DPP10: variants seen among roughly 807,000 people sequenced by gnomAD.
DPP10 encodes inactive dipeptidyl peptidase 10.
In DPP10, 33 loss-of-function variants were observed where a neutral mutation model predicts 120.9. The observed-to-expected ratio is 0.27, with a 90% CI of 0.21 to 0.37. DPP10 has a LOEUF of 0.37. Ranked by LOEUF, DPP10 falls within the 10% of genes least tolerant of loss-of-function variation. The pLI, the probability that DPP10 is intolerant of heterozygous loss-of-function variation, is 1.00. For missense variants in DPP10, 816 were observed against 942.8 expected (o/e 0.87, Z 1.76); for synonymous variants, 337 against 326.1 (o/e 1.03, Z -0.36).
chr2:115,756,568 G>A (rs902735547), intron 11 of DPP10, among the ~76,000 whole-genome samples: 1 of 151,952 alleles, frequency 6.6e-6, no homozygotes, highest in Non-Finnish European at 1.5e-5. Context: ...AATAAAGAAT[G>A]AATTAAAGAT....
intron 1 of DPP10, among the ~76,000 whole-genome samples, chr2:115,019,943 T>G (rs1487466293): frequency 6.6e-6 from 1 of 152,210 alleles, no homozygotes; most frequent in Non-Finnish European, 1.5e-5. Flanking sequence ...AAAGATACAG[T>G]CTTTTCCCAG....
chr2:115,159,989 A>G (rs2052188726), intron 1 of DPP10, among the ~76,000 whole-genome samples: 1 of 152,194 alleles, frequency 6.6e-6, no homozygotes, highest in African/African-American at 2.4e-5. Flanking sequence ...GGATGAATAT[A>G]CTCAAATAAT....
rs1183210292 is a variant in DPP10 at position 115,746,313 on chromosome 2, A to G, written c.950+130A>G. On this transcript the variant is annotated intron_variant, in intron 10 of 25. Coordinates refer to ENST00000410059, the MANE Select transcript of DPP10 (RefSeq NM_020868.6). Reference sequence around the variant, plus strand: ...TGAAAATAAAGCTGAAGTTGCCTACATTAGTGAGGAATGAAGTCATTCTCG... The same window carrying G: ...TGAAAATAAAGCTGAAGTTGCCTACGTTAGTGAGGAATGAAGTCATTCTCG... 30 of 802,064 alleles carry G rather than the reference A, an allele frequency of 3.7e-5. No homozygotes were observed. In the East Asian group the frequency reaches 7.9e-4, roughly 21 times the overall value. The allele number at this position is 802,064 out of a possible 1,614,324, so 49.7% of individuals were successfully genotyped here. A position where few individuals can be genotyped will look rare whatever the true frequency, so the allele number is the denominator to read the frequency against.
Position 114,632,629 on chromosome 2 carries a change from C to T in DPP10, c.60+189791C>T, listed in dbSNP as rs567006015. 6.0e-5 allele frequency among the ~76,000 whole-genome samples: 9 copies of T among 149,800 alleles called. No individual in the cohort carries two copies. In the South Asian group the frequency reaches 1.9e-3, roughly 32 times the overall value. On this transcript the variant is annotated intron_variant, in intron 1 of 25. Coordinates refer to ENST00000410059, the MANE Select transcript of DPP10 (RefSeq NM_020868.6). ...CTGGGTTCATGCCATTCTCCTGCCT[C>T]AGCCTCCCGAATAGCTGGGACTACA...
intron 1 of DPP10, among the ~76,000 whole-genome samples, chr2:115,097,896 T>C (rs2048479514): frequency 6.6e-6 from 1 of 152,152 alleles, no homozygotes; most frequent in Non-Finnish European, 1.5e-5. Context: ...TCTTTAGAAA[T>C]TAGATTTTGG....
intron 1 of DPP10, among the ~76,000 whole-genome samples, chr2:114,540,547 A>C (rs1686870517): frequency 6.6e-6 from 1 of 152,238 alleles, no homozygotes; most frequent in South Asian, 2.1e-4. Context: ...ATAATTAAAG[A>C]AAAACTTCAT....
At chr2:115,238,626 C>T (rs957251646) in intron 1 of DPP10, among the ~76,000 whole-genome samples, 6 of 152,058 alleles carry the variant, frequency 3.9e-5, no homozygotes, top group African/African-American at 1.4e-4. Context: ...CCAGAAGTTC[C>T]TGAATTGCTG....
chr2:115,239,261 C>T (rs1421562958), intron 1 of DPP10, among the ~76,000 whole-genome samples: 1 of 152,174 alleles, frequency 6.6e-6, no homozygotes, highest in Non-Finnish European at 1.5e-5. Context: ...AGGGTAGACT[C>T]TAATCTTGAA....
chr2:115,297,778 T>C (rs553333585), intron 1 of DPP10, among the ~76,000 whole-genome samples: 3 of 152,052 alleles, frequency 2.0e-5, no homozygotes, highest in Non-Finnish European at 4.4e-5. Flanking sequence ...AGCAGAAGAT[T>C]ATATATGCAG....
chr2:115,142,553 C>A (rs1303762289), intron 1 of DPP10, among the ~76,000 whole-genome samples: 4 of 152,182 alleles, frequency 2.6e-5, no homozygotes, highest in African/African-American at 9.7e-5. Context: ...AGATTTACTG[C>A]AGCTTTGAAA....
intron 5 of DPP10, 23 bp from the exon 6 acceptor site, chr2:115,689,661 CAAT>C (rs770370696): frequency 3.6e-6 from 5 of 1,372,308 alleles, no homozygotes; most frequent in Admixed American, 2.1e-5. Flanking sequence ...AAGCTATGAT[CAAT>C]AATGTTTCTT....
At chr2:115,659,838 A>G (rs1362178112) in intron 5 of DPP10, among the ~76,000 whole-genome samples, 4 of 152,220 alleles carry the variant, frequency 2.6e-5, no homozygotes, top group African/African-American at 7.2e-5. Context: ...TTCGGTTTTG[A>G]CTTTTTATTA....
At chr2:114,756,512 G>A (rs969146012) in intron 1 of DPP10, among the ~76,000 whole-genome samples, 5 of 152,186 alleles carry the variant, frequency 3.3e-5, no homozygotes, top group Non-Finnish European at 1.5e-5. Context: ...CAATCCGAAT[G>A]CTTCTAAAAT....
At chr2:115,230,745 A>G (rs1485112277) in intron 1 of DPP10, among the ~76,000 whole-genome samples, 1 of 152,040 alleles carries the variant, frequency 6.6e-6, no homozygotes, top group African/African-American at 2.4e-5. Context: ...TTCCGGTAAA[A>G]AAATTAATTA....
chr2:115,156,043 C>T (rs2051886450), intron 1 of DPP10, among the ~76,000 whole-genome samples: 1 of 152,140 alleles, frequency 6.6e-6, no homozygotes, highest in African/African-American at 2.4e-5. Context: ...CAAAAAGATA[C>T]AGATGTGTGA....
intron 19 of DPP10, among the ~76,000 whole-genome samples, chr2:115,793,971 T>C (rs915745721): frequency 6.6e-6 from 1 of 152,136 alleles, no homozygotes; most frequent in Non-Finnish European, 1.5e-5. Context: ...AAGTAGAAAG[T>C]GTTTTTTAAG....
At chr2:115,068,605 C>T (rs946641226) in intron 1 of DPP10, among the ~76,000 whole-genome samples, 2 of 151,972 alleles carry the variant, frequency 1.3e-5, no homozygotes, top group African/African-American at 4.8e-5. Context: ...GATTTTGTTG[C>T]CTTTGCTTTG....
intron 1 of DPP10, among the ~76,000 whole-genome samples, chr2:115,186,740 G>C (rs1041166842): frequency 6.6e-6 from 1 of 152,168 alleles, no homozygotes; most frequent in Non-Finnish European, 1.5e-5. Context: ...GGTAGGAGGA[G>C]CCATGTCATG....
At chr2:115,404,926 C>T (rs2068397068) in intron 3 of DPP10, among the ~76,000 whole-genome samples, 1 of 152,180 alleles carries the variant, frequency 6.6e-6, no homozygotes, top group Admixed American at 6.5e-5. Context: ...CCCAACAGTG[C>T]CACATTGGGG....
Sources: gnomAD v4.1 joint callset for allele counts (sites outside exome capture counted in the v4.1 genomes callset) on GRCh38, gnomAD v4.1.1 for gene constraint, MANE v1.5 for transcripts, NCBI Gene and HGNC (gene_info 2026-07-23, HGNC 2026-07-21) for gene names.